TSPAN9: variants seen among roughly 807,000 people sequenced by gnomAD.
TSPAN9 encodes the protein tetraspanin 9.
Under a neutral mutation model 31.0 loss-of-function variants are expected in TSPAN9, and 16 were observed. The observed-to-expected ratio is 0.52, with a 90% CI of 0.35 to 0.78. The LOEUF is 0.78. TSPAN9 is among the 30% of genes least tolerant of loss of function. TSPAN9 has a pLI of 0.01. For missense variants in TSPAN9, 272 were observed against 312.5 expected, an observed-to-expected ratio of 0.87 and a Z score of 0.98; for synonymous variants, 145 against 121.6, an observed-to-expected ratio of 1.19 and a Z score of -1.27.
intron 2 of TSPAN9, among the ~76,000 whole-genome samples, chr12:3,091,995 TAATC>T (rs1282397134): frequency 1.3e-5 from 2 of 152,306 alleles, no homozygotes; most frequent in East Asian, 3.9e-4. Context: ...GGTTTTATAT[TAATC>T]AGTGCTCAGT....
intron 3 of TSPAN9, among the ~76,000 whole-genome samples, chr12:3,249,575 C>G (rs1862208203): frequency 6.6e-6 from 1 of 152,226 alleles, no homozygotes; most frequent in African/African-American, 2.4e-5. Flanking sequence ...CCCGACGTTC[C>G]TGAGGGCCGA....
intron 8 of TSPAN9, 64 bp from the exon 9 acceptor site, chr12:3,282,981 C>A: frequency 6.4e-7 from 1 of 1,559,474 alleles, no homozygotes; most frequent in South Asian, 1.1e-5. Flanking sequence ...CCAAGCCTCT[C>A]GGGGCTGAGG....
chr12:3,114,979 A>G (rs2098321452), intron 2 of TSPAN9, among the ~76,000 whole-genome samples: 1 of 152,092 alleles, frequency 6.6e-6, no homozygotes, highest in South Asian at 2.1e-4. Context: ...GGTTTTTACT[A>G]TATTCTCAGC....
chr12:3,159,024 T>G (rs1332433378), intron 2 of TSPAN9, among the ~76,000 whole-genome samples: 1 of 152,030 alleles, frequency 6.6e-6, no homozygotes, highest in Non-Finnish European at 1.5e-5. Flanking sequence ...TTCCAGGGCC[T>G]CCTCAGAGCT....
At chr12:3,282,886 C>T (rs568910706) in intron 8 of TSPAN9, among the ~76,000 whole-genome samples, 159 bp from the exon 9 acceptor site, 8 of 152,358 alleles carry the variant, frequency 5.3e-5, no homozygotes, top group East Asian at 3.9e-4. Flanking sequence ...CCTCTGTTCA[C>T]GGTTTTCTTC....
At chr12:3,080,277 G>A (rs1450728537) in intron 1 of TSPAN9, among the ~76,000 whole-genome samples, 1 of 152,130 alleles carries the variant, frequency 6.6e-6, no homozygotes, top group African/African-American at 2.4e-5. Context: ...TAGGAAGTGT[G>A]CTTTATATAA....
chr12:3,201,650 T>C (rs2098371909), intron 3 of TSPAN9, among the ~76,000 whole-genome samples: 1 of 152,218 alleles, frequency 6.6e-6, no homozygotes, highest in Non-Finnish European at 1.5e-5. Context: ...CAAGTGAGGA[T>C]GTATTTCTGA....
At chr12:3,144,198 T>C (rs2098336137) in intron 2 of TSPAN9, among the ~76,000 whole-genome samples, 3 of 152,152 alleles carry the variant, frequency 2.0e-5, no homozygotes, top group African/African-American at 7.2e-5. Context: ...CCTGCTAGGT[T>C]CAGGTGATTC....
chr12:3,154,006 A>ATG (rs1283951894), intron 2 of TSPAN9, among the ~76,000 whole-genome samples: 2 of 68,694 alleles, frequency 2.9e-5, no homozygotes, highest in Non-Finnish European at 5.8e-5. Flanking sequence ...AGTATTATAT[A>ATG]TATATGTGTG....
At chr12:3,146,389 C>T (rs2098337291) in intron 2 of TSPAN9, among the ~76,000 whole-genome samples, 1 of 152,102 alleles carries the variant, frequency 6.6e-6, no homozygotes, top group Admixed American at 6.6e-5. Flanking sequence ...TCCATAGTCC[C>T]CTGACAGTTT....
chr12:3,146,605 G>C (rs908010865), intron 2 of TSPAN9, among the ~76,000 whole-genome samples: 2 of 152,172 alleles, frequency 1.3e-5, no homozygotes, highest in African/African-American at 4.8e-5. Flanking sequence ...AAATGCCTCT[G>C]TGCGCTCTGC....
intron 3 of TSPAN9, among the ~76,000 whole-genome samples, chr12:3,274,795 G>A (rs534996971): frequency 6.6e-6 from 1 of 152,374 alleles, no homozygotes; most frequent in East Asian, 1.9e-4. Context: ...GCGTGGCAGT[G>A]GGGATGTGCG....
chr12:3,179,518 G>A (rs2098357616), intron 2 of TSPAN9, among the ~76,000 whole-genome samples: 1 of 152,200 alleles, frequency 6.6e-6, no homozygotes. Context: ...TGGAGAACCA[G>A]CAGGAGGTGG....
intron 2 of TSPAN9, among the ~76,000 whole-genome samples, chr12:3,188,914 G>A (rs567142560): frequency 1.5e-4 from 23 of 152,220 alleles, no homozygotes; most frequent in African/African-American, 5.3e-4. Context: ...GGTGAGGCTC[G>A]GGGGCTCTGT....
chr12:3,164,706 C>T (rs2098347355), intron 2 of TSPAN9, among the ~76,000 whole-genome samples: 1 of 152,150 alleles, frequency 6.6e-6, no homozygotes, highest in Non-Finnish European at 1.5e-5. Context: ...GATATTGCTA[C>T]TTGATCACAG....
intron 2 of TSPAN9, among the ~76,000 whole-genome samples, chr12:3,146,081 A>G (rs1216114650): frequency 7.2e-5 from 11 of 152,236 alleles, no homozygotes; most frequent in Admixed American, 6.5e-4. Context: ...TCCCCCGGCA[A>G]GCCCACTCCC....
chr12:3,194,098 C>T lies in TSPAN9; in HGVS notation c.-17-7079C>T, dbSNP rs547488106. 3.3e-5 allele frequency among the ~76,000 whole-genome samples: 5 copies of T among 152,216 alleles called. No individual in the cohort carries two copies. In the South Asian group the frequency reaches 1.0e-3, roughly 32 times the overall value. On this transcript the variant is annotated intron_variant, in intron 2 of 8. Coordinates refer to ENST00000011898, the MANE Select transcript of TSPAN9 (RefSeq NM_006675.5). Reference sequence around the variant, plus strand: ...CCTTGAGGAGAGCTCAAGATTTAGGCACGCTGGTCTGCCTTTCCCCTCCGT... The same window carrying T: ...CCTTGAGGAGAGCTCAAGATTTAGGTACGCTGGTCTGCCTTTCCCCTCCGT...
At chr12:3,256,210 G>C (rs1862341481) in intron 3 of TSPAN9, among the ~76,000 whole-genome samples, 1 of 152,246 alleles carries the variant, frequency 6.6e-6, no homozygotes, top group African/African-American at 2.4e-5. Flanking sequence ...AGGCCCAGTG[G>C]TGAGCTGGTG....
At chr12:3,281,858 C>T (rs1420133907) in intron 8 of TSPAN9, 41 bp downstream of exon 8, 26 of 1,598,682 alleles carry the variant, frequency 1.6e-5, no homozygotes, top group Non-Finnish European at 2.2e-5. Flanking sequence ...ACCCTGCTGG[C>T]CTCAGCCTCA....
Sources: allele counts gnomAD v4.1 joint callset (sites outside exome capture counted in the v4.1 genomes callset), GRCh38; gene constraint gnomAD v4.1.1; transcripts MANE v1.5; gene names NCBI Gene and HGNC (gene_info 2026-07-23, HGNC 2026-07-21).